The following UVRAG variants were observed in gnomAD, a reference collection of about 807,000 sequenced individuals.
UVRAG encodes UV radiation resistance associated, also known as UV radiation resistance-associated gene protein.
UVRAG carries 19 observed loss-of-function variants against 78.0 expected under a neutral mutation model. The observed-to-expected ratio is 0.24, with a 90% CI of 0.17 to 0.36. UVRAG has a LOEUF of 0.36. Ranked by LOEUF, UVRAG falls within the 10% of genes least tolerant of loss-of-function variation. The pLI is 1.00. For missense variants in UVRAG, 740 were observed against 853.8 expected, an observed-to-expected ratio of 0.87 and a Z score of 1.66; for synonymous variants, 323 against 324.6, an observed-to-expected ratio of 1.00 and a Z score of 0.05.
intron 14 of UVRAG, among the ~76,000 whole-genome samples, chr11:76,132,445 GAC>G (rs1952529180): frequency 6.6e-6 from 1 of 152,086 alleles, no homozygotes; most frequent in South Asian, 2.1e-4. Context: ...GGGAGGGAAA[GAC>G]ACATATTTGA....
chr11:75,985,421 T>G (rs1222534687), intron 8 of UVRAG, among the ~76,000 whole-genome samples: 2 of 152,008 alleles, frequency 1.3e-5, no homozygotes, highest in Admixed American at 6.6e-5. Flanking sequence ...GTCTTTTTGT[T>G]TGTAAGATTT....
intron 6 of UVRAG, among the ~76,000 whole-genome samples, chr11:75,925,104 G>C (rs1354629318): frequency 6.6e-6 from 1 of 151,772 alleles, no homozygotes; most frequent in East Asian, 1.9e-4. Flanking sequence ...AGACTGCTTT[G>C]TTTGAGATGT....
intron 12 of UVRAG, among the ~76,000 whole-genome samples, chr11:76,039,470 G>A (rs997819420): frequency 2.0e-5 from 3 of 152,088 alleles, no homozygotes; most frequent in African/African-American, 7.2e-5. Context: ...TGTGGCCCTG[G>A]CCAATAGAAT....
chr11:76,098,869 T>C (rs56272311), intron 13 of UVRAG, among the ~76,000 whole-genome samples: 15,358 of 152,198 alleles, frequency 0.1, 1,797 homozygotes, highest in African/African-American at 0.29. Flanking sequence ...AAGCACCTTA[T>C]GCAAACAAAA....
intron 3 of UVRAG, among the ~76,000 whole-genome samples, chr11:75,865,894 C>T (rs1326238760): frequency 2.0e-5 from 3 of 152,132 alleles, no homozygotes; most frequent in Non-Finnish European, 2.9e-5. Context: ...GGATTACAGG[C>T]GTGAGCCACC....
chr11:76,084,914 A>G (rs180899838), intron 13 of UVRAG, among the ~76,000 whole-genome samples: 27 of 151,960 alleles, frequency 1.8e-4, no homozygotes, highest in African/African-American at 5.8e-4. Flanking sequence ...CCCCCCAAAA[A>G]TTAGCCAGGC....
intron 13 of UVRAG, among the ~76,000 whole-genome samples, chr11:76,110,382 C>A (rs1332973886): frequency 2.6e-5 from 4 of 152,146 alleles, no homozygotes; most frequent in African/African-American, 7.2e-5. Flanking sequence ...GAAATGGAAT[C>A]TCAGAGAAGT....
chr11:75,985,737 T>C (rs1949488634), intron 8 of UVRAG, among the ~76,000 whole-genome samples: 1 of 152,180 alleles, frequency 6.6e-6, no homozygotes, highest in African/African-American at 2.4e-5. Context: ...GAGATTATTT[T>C]TTTTCGTATT....
At chr11:76,011,489 G>C (rs1054219563) in intron 11 of UVRAG, among the ~76,000 whole-genome samples, 1 of 152,158 alleles carries the variant, frequency 6.6e-6, no homozygotes, top group African/African-American at 2.4e-5. Context: ...GCTGGGTGTG[G>C]TGGCACACAC....
At chr11:76,088,139 C>T (rs1027072635) in intron 13 of UVRAG, among the ~76,000 whole-genome samples, 1 of 152,044 alleles carries the variant, frequency 6.6e-6, no homozygotes, top group Admixed American at 6.6e-5. Context: ...TGGGCTCAAG[C>T]GATAGTGATG....
intron 3 of UVRAG, among the ~76,000 whole-genome samples, chr11:75,877,287 C>A (rs1946810638): frequency 6.6e-6 from 1 of 152,190 alleles, no homozygotes; most frequent in African/African-American, 2.4e-5. Flanking sequence ...ATTTCTCAAT[C>A]TTTTCCCCAC....
At chr11:75,957,900 C>T (rs1436828353) in intron 6 of UVRAG, among the ~76,000 whole-genome samples, 1 of 152,134 alleles carries the variant, frequency 6.6e-6, no homozygotes, top group East Asian at 1.9e-4. Context: ...GCAAATATTG[C>T]AATAAAGCAG....
chr11:76,060,825 C>G (rs967581742), intron 12 of UVRAG, among the ~76,000 whole-genome samples: 1 of 152,242 alleles, frequency 6.6e-6, no homozygotes, highest in African/African-American at 2.4e-5. Context: ...GGACCTGCAG[C>G]CCGCCATGCC....
intron 1 of UVRAG, among the ~76,000 whole-genome samples, chr11:75,836,587 C>T (rs1358706454): frequency 1.3e-5 from 2 of 152,164 alleles, no homozygotes; most frequent in East Asian, 1.9e-4. Flanking sequence ...CTTTGGCATA[C>T]GCTGCTTCTT....
At chr11:76,061,659 C>T (rs368344933) in intron 12 of UVRAG, among the ~76,000 whole-genome samples, 3 of 152,010 alleles carry the variant, frequency 2.0e-5, no homozygotes, top group African/African-American at 7.2e-5. Flanking sequence ...CCTGAGCCAG[C>T]GAGACCACGA....
At chr11:75,829,038 A>G (rs1945597481) in intron 1 of UVRAG, among the ~76,000 whole-genome samples, 1 of 151,834 alleles carries the variant, frequency 6.6e-6, no homozygotes, top group Non-Finnish European at 1.5e-5. Flanking sequence ...TTATTAGATG[A>G]GGACACTGTA....
At chr11:76,020,894 C>T (rs377107848) in intron 12 of UVRAG, among the ~76,000 whole-genome samples, 1 of 152,098 alleles carries the variant, frequency 6.6e-6, no homozygotes, top group African/African-American at 2.4e-5. Context: ...AAGTTCTAAC[C>T]ACTGGGATGG....
intron 6 of UVRAG, among the ~76,000 whole-genome samples, chr11:75,945,191 C>T (rs879507298): frequency 2.6e-5 from 4 of 151,920 alleles, no homozygotes; most frequent in Non-Finnish European, 5.9e-5. Context: ...TTTTTAATTC[C>T]GTGGGTGTCT....
At chr11:75,843,351 C>T (rs932849354) in intron 1 of UVRAG, among the ~76,000 whole-genome samples, 3 of 152,156 alleles carry the variant, frequency 2.0e-5, no homozygotes, top group Non-Finnish European at 2.9e-5. Context: ...TTTATCTTGC[C>T]ACTAAGTTAG....
Sources: allele counts gnomAD v4.1 joint callset (sites outside exome capture counted in the v4.1 genomes callset), GRCh38; gene constraint gnomAD v4.1.1; transcripts MANE v1.5; gene names NCBI Gene and HGNC (gene_info 2026-07-23, HGNC 2026-07-21).